LIFR: variants seen among roughly 807,000 people sequenced by gnomAD.
LIFR encodes leukemia inhibitory factor receptor.
Under a neutral mutation model 122.2 loss-of-function variants are expected in LIFR, and 84 were observed. That is an observed-to-expected ratio of 0.69 (90% CI 0.58 to 0.82). The LOEUF is 0.82. Ranked by LOEUF, LIFR falls within the 40% of genes least tolerant of loss-of-function variation. The pLI is 0.00. For missense variants in LIFR, 1,294 were observed against 1,311.6 expected (o/e 0.99, Z 0.21); for synonymous variants, 422 against 434.7 (o/e 0.97, Z 0.36).
At chr5:38,551,973 A>G (rs1748228302) in intron 1 of LIFR, among the ~76,000 whole-genome samples, 1 of 152,244 alleles carries the variant, frequency 6.6e-6, no homozygotes, top group Non-Finnish European at 1.5e-5. Flanking sequence ...TAACTCGGGC[A>G]TCTAAGCCTC....
At chr5:38,553,801 C>T (rs940732465) in intron 1 of LIFR, among the ~76,000 whole-genome samples, 1 of 150,740 alleles carries the variant, frequency 6.6e-6, no homozygotes, top group Non-Finnish European at 1.5e-5. Context: ...ATGTATTAGG[C>T]TCAATTTCTA....
At chr5:38,505,120 G>A (rs1226141102) in intron 9 of LIFR, among the ~76,000 whole-genome samples, 3 of 151,638 alleles carry the variant, frequency 2.0e-5, no homozygotes, top group African/African-American at 4.8e-5. Flanking sequence ...TAAAAGGGAC[G>A]AACTATTAAT....
chr5:38,531,664 G>A (rs2112575143), intron 1 of LIFR, among the ~76,000 whole-genome samples: 1 of 151,354 alleles, frequency 6.6e-6, no homozygotes, highest in South Asian at 2.1e-4. Context: ...TAATCTTTCA[G>A]AACAAAATAC....
chr5:38,489,052 T>C (rs779803605), intron 16 of LIFR, 26 bp downstream of exon 16: 2 of 1,599,666 alleles, frequency 1.3e-6, no homozygotes, highest in East Asian at 2.2e-5. Flanking sequence ...TAAGAAACAC[T>C]TTCCTTGTGC....
chr5:38,572,264 A>G (rs1388743704), intron 1 of LIFR, among the ~76,000 whole-genome samples: 1 of 152,156 alleles, frequency 6.6e-6, no homozygotes, highest in South Asian at 2.1e-4. Flanking sequence ...AAGGCAAAGA[A>G]GGAGCAGGTG....
intron 1 of LIFR, among the ~76,000 whole-genome samples, chr5:38,570,286 T>C (rs1749168267): frequency 6.6e-6 from 1 of 152,144 alleles, no homozygotes; most frequent in African/African-American, 2.4e-5. Flanking sequence ...TACCTAAAGA[T>C]TATTAGGGGA....
Position 38,481,220 on chromosome 5 carries a change from C to A in LIFR, c.*375G>T. 3.3e-6 allele frequency: 1 copy of A among 298,614 alleles called. No individual in the cohort carries two copies. The highest frequency in any genetic ancestry group is 7.6e-5 in the South Asian group (1 of 13,194). 18.5% of individuals were successfully genotyped at this position (298,614 alleles called of 1,614,324 possible). On this transcript the variant is annotated 3_prime_UTR_variant, in exon 20 of 20. Transcript: ENST00000453190. ...TGGCCTGCAAATCCACTTACAATTC[C>A]ACCAAGTATACACATGAGAAAACCA...
chr5:38,604,497 A>G (rs1750284272), intron 2 of LIFR, among the ~76,000 whole-genome samples: 1 of 152,162 alleles, frequency 6.6e-6, no homozygotes. Context: ...ACCTGAGGTC[A>G]GGAGTTTGAG....
chr5:38,502,843 G>T, intron 10 of LIFR, 44 bp from the exon 11 acceptor site: 1 of 1,108,978 alleles, frequency 9.0e-7, no homozygotes, highest in Non-Finnish European at 1.3e-6. Flanking sequence ...TATATTATGT[G>T]TATGAATACA....
chr5:38,523,534 G>A lies in LIFR; in HGVS notation c.446C>T (p.Ser149Leu). 4 of 1,613,212 alleles carry A rather than the reference G, an allele frequency of 2.5e-6. No homozygotes were observed. The highest frequency in any genetic ancestry group is 3.4e-6 in the Non-Finnish European group (4 of 1,179,264). ...CCACTTTAGGTATAATGTAGAGGTT[G>A]AGAAATCAGCAGACAAATTCAAGAT... ...PEILNLSADFSTSTLYLKWND... is the reference protein window; with the variant it reads ...PEILNLSADFLTSTLYLKWND... The change falls in exon 5 of 20, where the codon TCA (serine) becomes TTA (leucine). Residue 149 changes from serine (S) to leucine (L), a missense_variant. Ser to Leu is a moderately radical substitution (Grantham distance 145). Coordinates refer to ENST00000453190, the MANE Select transcript of LIFR (RefSeq NM_001127671.2).
At chr5:38,490,427 T>C (rs1744522184) in intron 14 of LIFR, 136 bp from the exon 15 acceptor site, 3 of 454,694 alleles carry the variant, frequency 6.6e-6, no homozygotes, top group East Asian at 3.6e-5. Context: ...AAAATACATA[T>C]ATATTTTAAA....
At chr5:38,514,375 T>A (rs1158121633) in intron 5 of LIFR, among the ~76,000 whole-genome samples, 3 of 152,100 alleles carry the variant, frequency 2.0e-5, no homozygotes, top group Non-Finnish European at 4.4e-5. Flanking sequence ...ACCTTCAAAA[T>A]CTTGACAAAA....
intron 1 of LIFR, among the ~76,000 whole-genome samples, chr5:38,574,562 TCAA>T (rs1230393951): frequency 6.6e-6 from 1 of 152,180 alleles, no homozygotes; most frequent in Non-Finnish European, 1.5e-5. Context: ...TTTAATCTTC[TCAA>T]CAATTTTCTG....
upstream of LIFR, among the ~76,000 whole-genome samples, chr5:38,559,831 T>C (rs188397019): frequency 6.6e-6 from 1 of 152,298 alleles, no homozygotes; most frequent in African/African-American, 2.4e-5. Context: ...GTCTGTGATC[T>C]TCTTCCCAGC....
intron 6 of LIFR, among the ~76,000 whole-genome samples, chr5:38,511,552 G>A (rs1228515710): frequency 1.3e-5 from 2 of 151,704 alleles, no homozygotes; most frequent in Non-Finnish European, 2.9e-5. Context: ...CTATGACAGT[G>A]ATTTTCAAAC....
intron 16 of LIFR, 23 bp from the exon 17 acceptor site, chr5:38,486,003 T>A: frequency 6.2e-7 from 1 of 1,600,038 alleles, no homozygotes; most frequent in Middle Eastern, 1.7e-4. Flanking sequence ...TGAAGTATGT[T>A]AGCACTAATC....
intron 1 of LIFR, among the ~76,000 whole-genome samples, chr5:38,533,343 G>C (rs1747119487): frequency 6.6e-6 from 1 of 152,172 alleles, no homozygotes; most frequent in Non-Finnish European, 1.5e-5. Flanking sequence ...AAAAATATCT[G>C]GTTCTATTTC....
chr5:38,499,368 G>A (rs1745055651), intron 12 of LIFR, 145 bp downstream of exon 12: 2 of 654,832 alleles, frequency 3.1e-6, no homozygotes, highest in Non-Finnish European at 5.6e-6. Flanking sequence ...AATTTGGGGG[G>A]TTTAGGAACC....
intron 1 of LIFR, among the ~76,000 whole-genome samples, chr5:38,582,852 C>T (rs1026410422): frequency 1.3e-5 from 2 of 152,210 alleles, no homozygotes; most frequent in Non-Finnish European, 2.9e-5. Flanking sequence ...GCTGCCACTT[C>T]CTCAGCACCC....
Sources: gnomAD v4.1 joint callset for allele counts (sites outside exome capture counted in the v4.1 genomes callset) on GRCh38, gnomAD v4.1.1 for gene constraint, MANE v1.5 for transcripts, NCBI Gene and HGNC (gene_info 2026-07-23, HGNC 2026-07-21) for gene names.